ATG2B: variants seen among roughly 807,000 people sequenced by gnomAD.
ATG2B encodes autophagy related 2B.
ATG2B carries 121 observed loss-of-function variants against 241.3 expected under a neutral mutation model. The observed-to-expected ratio is 0.50, with a 90% CI of 0.43 to 0.58. The LOEUF (loss-of-function observed/expected upper bound fraction) is 0.58, where lower values mean the gene tolerates loss of function less well. ATG2B is among the 20% of genes least tolerant of loss of function. ATG2B has a pLI of 0.00. For synonymous variants in ATG2B, 858 were observed against 876.6 expected (o/e 0.98, Z 0.37); for missense variants, 2,306 against 2,491.6 (o/e 0.93, Z 1.59).
At chr14:96,345,203 A>C in intron 3 of ATG2B, 30 bp downstream of exon 3, 1 of 1,587,414 alleles carries the variant, frequency 6.3e-7, no homozygotes, top group Non-Finnish European at 8.6e-7. Context: ...ATCAAATCTA[A>C]ATTTTTGAAA....
intron 34 of ATG2B, among the ~76,000 whole-genome samples, chr14:96,299,618 C>T (rs1886736765): frequency 6.6e-6 from 1 of 152,166 alleles, no homozygotes; most frequent in South Asian, 2.1e-4. Context: ...GGCCCCCTTC[C>T]TATTTTGAAT....
chr14:96,341,567 C>T lies in ATG2B; in HGVS notation c.879G>A (p.Glu293=), dbSNP rs199664831. The T allele has an allele frequency of 2.2e-5, 36 of 1,603,806 alleles. No homozygotes were observed. The highest frequency in any genetic ancestry group is 1.7e-4 in the Middle Eastern group (1 of 6,050). ...VQIGRLIGRL[E]LSLTLKQNEV... is the part of the protein sequence containing the mutation. ...CATTCTGTTTCAACGTGAGACTCAA[C>T]TCCAACCTACCAATTAACCGTCCAA... The change falls in exon 6 of 42, where the codon GAG becomes GAA. Residue 293 remains glutamate (E), a synonymous_variant. Coordinates refer to ENST00000359933, the MANE Select transcript of ATG2B (RefSeq NM_018036.7).
In ATG2B at chr14:96,332,551, T is replaced by C. The variant is rs375475786; in HGVS notation, c.1312A>G (p.Thr438Ala). 1 of 1,611,600 alleles carries C rather than the reference T, an allele frequency of 6.2e-7. No individual in the cohort carries two copies. The highest frequency in any genetic ancestry group is 2.2e-5 in the East Asian group (1 of 44,846). The part of the protein sequence containing the change: ...PPNMDLELSL[T>A]STYTNTPAGS... ...GCTGGGGTATTTGTATATGTACTAG[T>C]TAATGATAACTCAAGGTCCATGTTT... Residue 438 changes from threonine to alanine, a missense_variant, in exon 9 of 42, where the codon ACT becomes GCT. By Grantham distance (58) the Thr-to-Ala change is moderately conservative. Transcript: ENST00000359933.
chr14:96,307,028 A>G (rs1886969774), intron 29 of ATG2B, 112 bp from the exon 30 acceptor site: 1 of 867,404 alleles, frequency 1.2e-6, no homozygotes, highest in African/African-American at 1.7e-5. Context: ...TATCTCATTT[A>G]TTTCCTAAAA....
At chr14:96,293,734 A>G (rs1256370675) in intron 36 of ATG2B, among the ~76,000 whole-genome samples, 1 of 152,222 alleles carries the variant, frequency 6.6e-6, no homozygotes, top group Non-Finnish European at 1.5e-5. Flanking sequence ...ATGAAAATCT[A>G]TAAGCTATTC....
chr14:96,330,235 T>C (rs989997372), intron 11 of ATG2B, among the ~76,000 whole-genome samples: 5 of 151,990 alleles, frequency 3.3e-5, no homozygotes, highest in Admixed American at 6.6e-5. Context: ...AAAATGTTTT[T>C]ACAGTTTGAG....
chr14:96,333,440 G>A (rs919524367), intron 8 of ATG2B, among the ~76,000 whole-genome samples: 3 of 152,110 alleles, frequency 2.0e-5, no homozygotes, highest in Middle Eastern at 6.8e-3. Flanking sequence ...GTTTTCCTTA[G>A]ACTAAATCAT....
chr14:96,319,141 G>C (rs1420486450), intron 18 of ATG2B, among the ~76,000 whole-genome samples: 2 of 152,192 alleles, frequency 1.3e-5, no homozygotes, highest in Non-Finnish European at 2.9e-5. Flanking sequence ...GACAATTCTT[G>C]AGCTTCTGAA....
rs1886167613 is a variant in ATG2B at position 96,280,431 on chromosome 14, ATACTT to A, written c.*5319_*5323del. ...TGTGAAATTATAAAAAGACAGTAGG[ATACTT>A]GGCACACAGTAAGCATCTCACAATT... On this transcript the variant is annotated 3_prime_UTR_variant, in exon 42 of 42. Transcript: ENST00000359933. 1.3e-5 allele frequency: 2 copies of A among 152,130 alleles called. No individual in the cohort carries two copies. The highest frequency in any genetic ancestry group is 2.9e-5 in the Non-Finnish European group (2 of 68,026). 9.4% of individuals were successfully genotyped at this position (152,130 alleles called of 1,614,324 possible).
At chr14:96,361,335 G>T (rs1208664802) in intron 1 of ATG2B, among the ~76,000 whole-genome samples, 1 of 152,138 alleles carries the variant, frequency 6.6e-6, no homozygotes, top group East Asian at 1.9e-4. Context: ...TAGGCCATGT[G>T]ATGTAATACT....
In ATG2B at chr14:96,317,136, A is replaced by T; in HGVS notation, c.3210+9T>A. 6.3e-7 allele frequency: 1 copy of T among 1,593,184 alleles called. No homozygotes were observed. The highest frequency in any genetic ancestry group is 8.6e-7 in the Non-Finnish European group (1 of 1,169,256). ...ATTTGAAAAAACACTTCGGATTTGT[A>T]AACCTCACCTTCACATCTGTGAACA... On this transcript the variant is annotated intron_variant, in intron 20 of 41. Coordinates refer to ENST00000359933, the MANE Select transcript of ATG2B (RefSeq NM_018036.7).
At chr14:96,306,375 C>G (rs774679243) in intron 30 of ATG2B, among the ~76,000 whole-genome samples, 1 of 152,166 alleles carries the variant, frequency 6.6e-6, no homozygotes, top group Non-Finnish European at 1.5e-5. Context: ...ACACAAACCA[C>G]ATCTTATCTT....
intron 18 of ATG2B, 60 bp from the exon 19 acceptor site, chr14:96,317,915 T>TA (rs562352256): frequency 3.6e-4 from 446 of 1,226,526 alleles, no homozygotes; most frequent in East Asian, 6.1e-4. Context: ...AAGGCAAACT[T>TA]AAAAAAAAAT....
chr14:96,341,476 G>C, intron 6 of ATG2B, 46 bp downstream of exon 6: 2 of 1,429,150 alleles, frequency 1.4e-6, no homozygotes, highest in Non-Finnish European at 1.9e-6. Context: ...AAGAATACTT[G>C]TACTTTTATT....
rs1887679465 is a variant in ATG2B, at chr14:96,329,638, T to G, written c.1731-4A>C. ...TTTAATGCCAGTACCTATAAATCTA[T>G]TATAAAAAATGCACCATTTAAGATT... On this transcript the variant is annotated splice_polypyrimidine_tract_variant and splice_region_variant and intron_variant, in intron 11 of 41. Coordinates refer to ENST00000359933, the MANE Select transcript of ATG2B (RefSeq NM_018036.7). 6.4e-7 allele frequency: 1 copy of G among 1,570,070 alleles called. No individual in the cohort carries two copies. Among genetic ancestry groups the G allele is most frequent in the South Asian group, 1.1e-5 (1 of 87,202 alleles).
Position 96,315,512 on chromosome 14 carries a change from G to T in ATG2B, c.3433C>A (p.Pro1145Thr), listed in dbSNP as rs200823414. 2 of 1,614,162 alleles carry T rather than the reference G, an allele frequency of 1.2e-6. No individual in the cohort carries two copies. Among genetic ancestry groups the T allele is most frequent in the Non-Finnish European group, 1.7e-6 (2 of 1,180,022 alleles). ...TCTTCTTCAGAGGAATAAATAGTAGGTTCCAACCAGTGTGGGCGGGTTGAG... is the reference window on the plus strand; with the variant it reads ...TCTTCTTCAGAGGAATAAATAGTAGTTTCCAACCAGTGTGGGCGGGTTGAG... Reference protein sequence around the residue: ...PSSTRPHWLEPTIYSSEEDGL... With the variant: ...PSSTRPHWLETTIYSSEEDGL... The change falls in exon 22 of 42, where the codon CCT becomes ACT. Residue 1145 changes from proline (P) to threonine (T), a missense_variant. Physicochemically the swap from Pro to Thr is conservative, Grantham distance 38 (BLOSUM62 -1). This residue lies in a region of ATG2B where 1,927 missense variants were observed against 2,011.2 expected (regional missense o/e 0.96). Transcript: ENST00000359933.
In ATG2B at chr14:96,295,577, TA is replaced by T; in HGVS notation, c.5140-18del. 1 of 1,507,222 alleles carries T rather than the reference TA, an allele frequency of 6.6e-7. No individual in the cohort carries two copies. Among genetic ancestry groups the T allele is most frequent in the Non-Finnish European group, 9.1e-7 (1 of 1,102,732 alleles). 93.4% of individuals were successfully genotyped at this position (1,507,222 alleles called of 1,614,324 possible). A position where few individuals can be genotyped will look rare whatever the true frequency, so the allele number is the denominator to read the frequency against. On this transcript the variant is annotated intron_variant, in intron 34 of 41. Transcript: ENST00000359933. ...CAAAGCATCCTAAAATTAAGAGATG[TA>T]ATTTTAACTAAGGAAGAAAAGAATC...
chr14:96,298,482 A>C (rs1395902188), intron 34 of ATG2B, among the ~76,000 whole-genome samples: 1 of 152,208 alleles, frequency 6.6e-6, no homozygotes, highest in Non-Finnish European at 1.5e-5. Context: ...CTTCTACATA[A>C]ATTTCCTAAC....
At chr14:96,345,407 C>A (rs770005691) in intron 2 of ATG2B, 22 bp from the exon 3 acceptor site, 3 of 1,555,396 alleles carry the variant, frequency 1.9e-6, no homozygotes, top group Non-Finnish European at 2.6e-6. Flanking sequence ...ATAAATTAAT[C>A]CTAAATAATT....
Sources: allele counts gnomAD v4.1 joint callset (sites outside exome capture counted in the v4.1 genomes callset), GRCh38; gene constraint gnomAD v4.1.1; regional missense constraint gnomAD v4.1.1; transcripts MANE v1.5; gene names NCBI Gene and HGNC (gene_info 2026-07-23, HGNC 2026-07-21).